The following KIAA1217 variants were observed in gnomAD, a reference collection of about 807,000 sequenced individuals.
KIAA1217 encodes KIAA1217.
Under a neutral mutation model 163.9 loss-of-function variants are expected in KIAA1217, and 88 were observed. The ratio of observed to expected loss-of-function variants is 0.54; its 90% confidence interval spans 0.45 to 0.64. The LOEUF (loss-of-function observed/expected upper bound fraction) is 0.64, where lower values mean the gene tolerates loss of function less well. Among genes scored for constraint, KIAA1217 ranks in the 30% least tolerant of loss-of-function variants. KIAA1217 has a pLI of 0.00. For synonymous variants in KIAA1217, 903 were observed against 923.1 expected (o/e 0.98, Z 0.39); for missense variants, 2,372 against 2,475.0 (o/e 0.96, Z 0.88).
intron 1 of KIAA1217, among the ~76,000 whole-genome samples, chr10:23,891,624 C>G (rs2131215950): frequency 6.6e-6 from 1 of 152,098 alleles, no homozygotes; most frequent in South Asian, 2.1e-4. Flanking sequence ...TCATGAGTCT[C>G]TCTACTCTCA....
chr10:24,349,202 G>A (rs1206106972), intron 2 of KIAA1217, among the ~76,000 whole-genome samples: 2 of 151,234 alleles, frequency 1.3e-5, no homozygotes, highest in African/African-American at 4.9e-5. Context: ...GTTACACTGA[G>A]TGTTAATGGA....
At chr10:24,121,836 T>A (rs1195078880) in intron 2 of KIAA1217, among the ~76,000 whole-genome samples, 1 of 152,108 alleles carries the variant, frequency 6.6e-6, no homozygotes. Flanking sequence ...TATGGGGGCA[T>A]TTTTAGGTTA....
rs371649328 is a variant in KIAA1217 at position 23,736,208 on chromosome 10, C to T, written c.-321+40974C>T. Reference sequence around the variant, plus strand: ...CCCTGTCTGAGACTGTAATGACATTCTCCTGTATGTTTAAATTTTTTAGGT... The same window carrying T: ...CCCTGTCTGAGACTGTAATGACATTTTCCTGTATGTTTAAATTTTTTAGGT... On this transcript the variant is annotated intron_variant, in intron 1 of 18. Coordinates refer to the KIAA1217 transcript ENST00000376462. 3.3e-5 allele frequency among the ~76,000 whole-genome samples: 5 copies of T among 152,206 alleles called. No homozygotes were observed. The East Asian group carries it at 5.8e-4, about 18-fold the overall frequency.
At chr10:24,346,923 C>A (rs967334877) in intron 2 of KIAA1217, among the ~76,000 whole-genome samples, 2 of 152,204 alleles carry the variant, frequency 1.3e-5, no homozygotes, top group Admixed American at 1.3e-4. Flanking sequence ...TTTTGTCCAT[C>A]TGATGATGTC....
chr10:24,543,348 G>A lies in KIAA1217; in HGVS notation c.4078G>A (p.Val1360Met), dbSNP rs374899929. The change falls in exon 19 of 21, where the codon GTG becomes ATG. Residue 1360 changes from valine to methionine, a missense_variant. Val to Met is a conservative substitution (Grantham distance 21). This residue lies in a region of KIAA1217 where 251 missense variants were observed against 327.3 expected (regional missense o/e 0.77). Coordinates refer to ENST00000376454, the MANE Select transcript of KIAA1217 (RefSeq NM_019590.5). ...ACCCAAGGAGGCAAGGCATGCTAAC[G>A]TGAACCCTAATGAGGATGGAGAATC... ...LRPKEARHANVNPNEDGESSS... is the reference protein window; with the variant it reads ...LRPKEARHANMNPNEDGESSS... The A allele has an allele frequency of 7.4e-6, 12 of 1,614,000 alleles. No individual in the cohort carries two copies. The highest frequency in any genetic ancestry group is 1.6e-4 in the Middle Eastern group (1 of 6,084).
At chr10:24,521,422 G>A (rs983259734) in intron 11 of KIAA1217, among the ~76,000 whole-genome samples, 9 of 151,606 alleles carry the variant, frequency 5.9e-5, no homozygotes, top group East Asian at 1.9e-4. Context: ...CAGGAGGATC[G>A]CTTGAGCCCA....
At chr10:24,083,197 G>A (rs2061592637) in intron 2 of KIAA1217, among the ~76,000 whole-genome samples, 1 of 152,174 alleles carries the variant, frequency 6.6e-6, no homozygotes, top group Non-Finnish European at 1.5e-5. Context: ...GGAGCAGGAT[G>A]GGAAACAAGG....
chr10:23,702,883 T>C (rs746784002), intron 1 of KIAA1217, among the ~76,000 whole-genome samples: 10 of 152,058 alleles, frequency 6.6e-5, no homozygotes, highest in Non-Finnish European at 1.3e-4. Context: ...GCATGCCACC[T>C]CGCCCGGTAA....
At chr10:23,934,944 C>T (rs752015945) in intron 1 of KIAA1217, among the ~76,000 whole-genome samples, 3 of 151,812 alleles carry the variant, frequency 2.0e-5, no homozygotes, top group Non-Finnish European at 4.4e-5. Context: ...AGTTCTGTAG[C>T]ATAAAACACT....
intron 2 of KIAA1217, among the ~76,000 whole-genome samples, chr10:24,080,316 A>G (rs1444013757): frequency 6.6e-6 from 1 of 152,174 alleles, no homozygotes; most frequent in Non-Finnish European, 1.5e-5. Context: ...TTTATACGGC[A>G]TTCCTGGGTC....
chr10:24,332,644 TA>T (rs2045836253), intron 2 of KIAA1217, among the ~76,000 whole-genome samples: 2 of 152,150 alleles, frequency 1.3e-5, no homozygotes, highest in African/African-American at 4.8e-5. Flanking sequence ...TGCGTATCCA[TA>T]AGTCACACCT....
At chr10:24,064,878 A>G (rs1312081738) in intron 2 of KIAA1217, among the ~76,000 whole-genome samples, 11 of 152,320 alleles carry the variant, frequency 7.2e-5, no homozygotes, top group African/African-American at 2.4e-4. Context: ...GGGAGACTGT[A>G]TGTGTCGAGG....
intron 1 of KIAA1217, among the ~76,000 whole-genome samples, chr10:23,922,633 C>T (rs1842889618): frequency 6.6e-6 from 1 of 152,090 alleles, no homozygotes; most frequent in South Asian, 2.1e-4. Context: ...AACAGGAGAA[C>T]TCCTGGGTAT....
At chr10:23,749,452 G>T (rs576578853) in intron 1 of KIAA1217, among the ~76,000 whole-genome samples, 1 of 152,048 alleles carries the variant, frequency 6.6e-6, no homozygotes, top group African/African-American at 2.4e-5. Flanking sequence ...TCTATCACCA[G>T]GTTGGAGTGC....
chr10:24,286,942 G>C (rs2078600504), intron 2 of KIAA1217, among the ~76,000 whole-genome samples: 1 of 152,144 alleles, frequency 6.6e-6, no homozygotes, highest in East Asian at 1.9e-4. Context: ...GTCTAATTAT[G>C]TTTGATTTAA....
At position 24,405,038 on chromosome 10, in the gene KIAA1217, T is replaced by C. The variant is rs1311974840; in HGVS notation, c.553+23971T>C. 2.0e-5 allele frequency among the ~76,000 whole-genome samples: 3 copies of C among 152,340 alleles called. No homozygotes were observed. The East Asian group carries it at 5.8e-4, about 29-fold the overall frequency. ...GCACTTGGGGGCCTAGTTATGATGG[T>C]ACAATTATCTTAATTGTGTTAGTAG... On this transcript the variant is annotated intron_variant, in intron 3 of 20. Coordinates refer to ENST00000376454, the MANE Select transcript of KIAA1217 (RefSeq NM_019590.5).
chr10:24,461,001 G>A (rs1303223484), intron 5 of KIAA1217, among the ~76,000 whole-genome samples: 1 of 152,154 alleles, frequency 6.6e-6, no homozygotes, highest in Non-Finnish European at 1.5e-5. Context: ...GATTTGAGTA[G>A]CTCCATTGTG....
intron 2 of KIAA1217, among the ~76,000 whole-genome samples, chr10:24,107,595 T>C (rs1043286408): frequency 6.6e-6 from 1 of 152,240 alleles, no homozygotes; most frequent in Non-Finnish European, 1.5e-5. Flanking sequence ...TGTGAGATGG[T>C]ATCTCATTGT....
chr10:24,381,179 T>G, intron 3 of KIAA1217, 112 bp downstream of exon 3: 9 of 756,354 alleles, frequency 1.2e-5, no homozygotes, highest in Non-Finnish European at 1.7e-5. Flanking sequence ...GATTTGCAAA[T>G]ACTCTAGTAC....
Sources: allele counts gnomAD v4.1 joint callset (sites outside exome capture counted in the v4.1 genomes callset), GRCh38; gene constraint gnomAD v4.1.1; regional missense constraint gnomAD v4.1.1; transcripts MANE v1.5; gene names NCBI Gene and HGNC (gene_info 2026-07-23, HGNC 2026-07-21).